The following POLR3B variants were observed in gnomAD, a reference collection of about 807,000 sequenced individuals.
POLR3B encodes the protein RNA polymerase III subunit B.
In POLR3B, 96 loss-of-function variants were observed where a neutral mutation model predicts 147.4. The ratio of observed to expected loss-of-function variants is 0.65; its 90% CI spans 0.55 to 0.77. The LOEUF is 0.77. POLR3B is among the 30% of genes least tolerant of loss of function. The pLI, the probability that POLR3B is intolerant of heterozygous loss-of-function variation, is 0.00. For missense variants in POLR3B, 1,036 were observed against 1,413.5 expected, an observed-to-expected ratio of 0.73 and a Z score of 4.28; for synonymous variants, 461 against 485.9, an observed-to-expected ratio of 0.95 and a Z score of 0.67.
At chr12:106,493,366 A>G (rs1457800204) in intron 23 of POLR3B, among the ~76,000 whole-genome samples, 2 of 152,224 alleles carry the variant, frequency 1.3e-5, no homozygotes, top group African/African-American at 4.8e-5. Flanking sequence ...CGCTGTGATT[A>G]AGGATTTGAA....
chr12:106,371,792 G>T (rs2036611079), intron 6 of POLR3B, among the ~76,000 whole-genome samples: 1 of 135,680 alleles, frequency 7.4e-6, no homozygotes, highest in Non-Finnish European at 1.6e-5. Context: ...ACTGTTGTGG[G>T]GTTGGGGGAG....
chr12:106,385,945 T>C (rs1358658276), intron 9 of POLR3B, among the ~76,000 whole-genome samples: 1 of 152,244 alleles, frequency 6.6e-6, no homozygotes, highest in Admixed American at 6.5e-5. Context: ...CTTTTCTTTC[T>C]TTACGGTTTG....
rs1270094805 is a variant in POLR3B, at chr12:106,504,270, A to G, written c.3272+16A>G. The G allele has an allele frequency of 3.8e-6, 6 of 1,599,884 alleles. No individual in the cohort carries two copies. Among genetic ancestry groups the G allele is most frequent in the East Asian group, 2.2e-5 (1 of 44,802 alleles). ...ATTCTGGCTGGTAAGTGGATACCATATGTCTCCCATACCACACCCCTTGCC... is the reference window on the plus strand; with the variant it reads ...ATTCTGGCTGGTAAGTGGATACCATGTGTCTCCCATACCACACCCCTTGCC... On this transcript the variant is annotated intron_variant, in intron 27 of 27. Coordinates refer to ENST00000228347, the MANE Select transcript of POLR3B (RefSeq NM_018082.6). The surrounding 1 kb of genome is among the most constrained non-coding windows in gnomAD (Gnocchi z 4.6).
Position 106,459,331 on chromosome 12 carries a change from G to A in POLR3B, c.2533G>A (p.Val845Ile). The A allele has an allele frequency of 4.4e-6, 7 of 1,597,718 alleles. No homozygotes were observed. Among genetic ancestry groups the A allele is most frequent in the Non-Finnish European group, 6.0e-6 (7 of 1,165,128 alleles). ...VTQIPLEGSN[V>I]PQQPQYKDVP... is the part of the protein sequence containing the mutation. ...TCAGATTCCTTTGGAAGGAAGTAAT[G>A]TACCACAGCAACCACAGTACAAAGA... Residue 845 changes from valine to isoleucine, a missense_variant, in exon 22 of 28, where the codon GTA becomes ATA. This residue lies in a region of POLR3B where 202 missense variants were observed against 272.8 expected (regional missense o/e 0.74). Transcript: ENST00000228347.
At chr12:106,427,415 A>G in intron 13 of POLR3B, 57 bp downstream of exon 13, 1 of 1,462,476 alleles carries the variant, frequency 6.8e-7, no homozygotes, top group Non-Finnish European at 9.6e-7. Context: ...CCTATTCAAT[A>G]GAACAGAAAC....
chr12:106,439,017 C>G (rs763559251), intron 18 of POLR3B, among the ~76,000 whole-genome samples: 6 of 152,136 alleles, frequency 3.9e-5, no homozygotes, highest in Non-Finnish European at 8.8e-5. Context: ...GGAATTCTTG[C>G]AGATATATTG....
At chr12:106,401,236 A>C (rs1223093186) in intron 10 of POLR3B, among the ~76,000 whole-genome samples, 5 of 152,380 alleles carry the variant, frequency 3.3e-5, no homozygotes, top group East Asian at 1.9e-4. Flanking sequence ...GAAATGGATA[A>C]ACTCCTCGAT....
At position 106,496,152 on chromosome 12, in the gene POLR3B, A is replaced by C; in HGVS notation, c.2811A>C (p.Arg937=). The change falls in exon 24 of 28, where the codon CGA becomes CGC. Residue 937 remains arginine, a synonymous_variant. Coordinates refer to ENST00000228347, the MANE Select transcript of POLR3B (RefSeq NM_018082.6). ...IIMNPHGFPS[R]MTVGKLIELL... ...TGAACCCACACGGCTTCCCATCACG[A>C]ATGACGGTCAGTGACCTGTAGGTTT... 1 of 1,588,660 alleles carries C rather than the reference A, an allele frequency of 6.3e-7. No homozygotes were observed. The highest frequency in any genetic ancestry group is 8.6e-7 in the Non-Finnish European group (1 of 1,156,824).
At chr12:106,418,220 T>C (rs1049349249) in intron 12 of POLR3B, among the ~76,000 whole-genome samples, 6 of 152,234 alleles carry the variant, frequency 3.9e-5, no homozygotes, top group African/African-American at 1.4e-4. Flanking sequence ...TCTTTTTCGG[T>C]AATGTGTTCA....
At chr12:106,373,211 G>A (rs1486380744) in intron 6 of POLR3B, among the ~76,000 whole-genome samples, 1 of 152,026 alleles carries the variant, frequency 6.6e-6, no homozygotes, top group African/African-American at 2.4e-5. Context: ...CTATGATGGT[G>A]GATTTTTCCA....
chr12:106,436,659 CG>C (rs1162303524), intron 16 of POLR3B, among the ~76,000 whole-genome samples: 2 of 152,124 alleles, frequency 1.3e-5, no homozygotes, highest in African/African-American at 2.4e-5. Context: ...AATGTGAAAT[CG>C]GGAAGTTTTT....
At chr12:106,502,487 ATG>A (rs1256795519) in intron 26 of POLR3B, among the ~76,000 whole-genome samples, 4 of 152,186 alleles carry the variant, frequency 2.6e-5, no homozygotes, top group African/African-American at 9.7e-5. Context: ...TGAATACAGA[ATG>A]TGTACAGCAC....
rs141331225 is a variant in POLR3B at position 106,420,767 on chromosome 12, A to C, written c.1102-6430A>C. ...ATAGCATTTATAGGTAATTTTTAAC[A>C]TAAAAATTTAAATGTTACATTTATA... On this transcript the variant is annotated intron_variant, in intron 12 of 27. Coordinates refer to ENST00000228347, the MANE Select transcript of POLR3B (RefSeq NM_018082.6). Among the ~76,000 whole-genome samples the C allele has an allele frequency of 4.5e-3, 683 of 152,304 alleles. 4 individuals carry two copies. The highest frequency in any genetic ancestry group is 0.016 in the African/African-American group (658 of 41,564).
intron 27 of POLR3B, chr12:106,507,813 A>T (rs1345826820): frequency 2.2e-6 from 1 of 455,858 alleles, no homozygotes; most frequent in Non-Finnish European, 4.4e-6. Context: ...TTTCTTTTCT[A>T]AAATAATACA....
At chr12:106,399,351 T>C (rs1036986947) in intron 10 of POLR3B, among the ~76,000 whole-genome samples, 1 of 152,192 alleles carries the variant, frequency 6.6e-6, no homozygotes, top group African/African-American at 2.4e-5. Context: ...GTAGGTCTGA[T>C]TGGTGTACCT....
At chr12:106,422,085 T>C (rs948002731) in intron 12 of POLR3B, among the ~76,000 whole-genome samples, 3 of 152,210 alleles carry the variant, frequency 2.0e-5, no homozygotes, top group African/African-American at 7.2e-5. Context: ...TAGTGCTTGA[T>C]ATGGTTTGGA....
chr12:106,487,114 A>G (rs2038351285), intron 23 of POLR3B, among the ~76,000 whole-genome samples: 1 of 152,258 alleles, frequency 6.6e-6, no homozygotes. Flanking sequence ...GGAGTTGGAT[A>G]TTGGCAAGTA....
chr12:106,393,718 T>A (rs1213096292), intron 10 of POLR3B, among the ~76,000 whole-genome samples: 1 of 149,366 alleles, frequency 6.7e-6, no homozygotes, highest in East Asian at 2.0e-4. Context: ...GCACTCCTGG[T>A]TGGACCCTGG....
chr12:106,426,416 A>G (rs2037436580), intron 12 of POLR3B, among the ~76,000 whole-genome samples: 1 of 151,650 alleles, frequency 6.6e-6, no homozygotes, highest in South Asian at 2.1e-4. Flanking sequence ...AGACCCGGCT[A>G]ATTTTTGTAT....
Sources: gnomAD v4.1 joint callset for allele counts (sites outside exome capture counted in the v4.1 genomes callset) on GRCh38, gnomAD v4.1.1 for gene constraint, gnomAD v4.1.1 regional missense constraint, Gnocchi (gnomAD v3.1) non-coding constraint, MANE v1.5 for transcripts, NCBI Gene and HGNC (gene_info 2026-07-23, HGNC 2026-07-21) for gene names.